The following ZCWPW2 variants were observed in gnomAD, a reference collection of about 807,000 sequenced individuals.
The protein encoded by ZCWPW2 is zinc finger CW-type PWWP domain protein 2.
Under a neutral mutation model 46.6 loss-of-function variants are expected in ZCWPW2, and 45 were observed. That is an observed-to-expected ratio of 0.96 (90% CI 0.76 to 1.24). The LOEUF (loss-of-function observed/expected upper bound fraction) is 1.24, where lower values mean the gene tolerates loss of function less well. ZCWPW2 is among the 50% of genes most tolerant of loss of function. The probability of loss-of-function intolerance (pLI) is 0.00; values close to 1 mark genes in which losing one functional copy is unlikely to be tolerated. For missense variants in ZCWPW2, 429 were observed against 403.9 expected, an observed-to-expected ratio of 1.06 and a Z score of -0.53; for synonymous variants, 152 against 137.1, an observed-to-expected ratio of 1.11 and a Z score of -0.76.
At chr3:28,517,509 T>A (rs1700606066) in intron 8 of ZCWPW2, among the ~76,000 whole-genome samples, 1 of 152,122 alleles carries the variant, frequency 6.6e-6, no homozygotes. Context: ...GAGAACTCAC[T>A]CACTATCACC....
At chr3:28,394,876 TGCACAGGCAATAGAAGCAA>T (rs1245765928) in intron 2 of ZCWPW2, among the ~76,000 whole-genome samples, 1 of 152,072 alleles carries the variant, frequency 6.6e-6, no homozygotes, top group African/African-American at 2.4e-5. Context: ...TGACACCAAG[TGCACAGGCAATAGAAGCAA>T]AAATAAAGTG....
chr3:28,431,398 AT>A lies in ZCWPW2; in HGVS notation c.333-3702del, dbSNP rs200040302. 5.0e-3 allele frequency among the ~76,000 whole-genome samples: 746 copies of A among 149,920 alleles called. 7 individuals carry two copies. Among genetic ancestry groups the A allele is most frequent in the East Asian group, 0.02 (103 of 5,106 alleles). ...TGAGATTAAAGTGTCTGCAGGATTAATTTTTTTTTTAAGACCCTCTTCTTGG... is the reference window on the plus strand; with the variant it reads ...TGAGATTAAAGTGTCTGCAGGATTAATTTTTTTTTAAGACCCTCTTCTTGG... On this transcript the variant is annotated intron_variant, in intron 3 of 9. Transcript: ENST00000383768.
intron 4 of ZCWPW2, among the ~76,000 whole-genome samples, chr3:28,476,442 A>T (rs2125802317): frequency 6.6e-6 from 1 of 152,248 alleles, no homozygotes; most frequent in South Asian, 2.1e-4. Context: ...CAAGTGTTAA[A>T]ACAAACCTTT....
chr3:28,450,416 G>A (rs1042130651), intron 4 of ZCWPW2, among the ~76,000 whole-genome samples: 1 of 152,170 alleles, frequency 6.6e-6, no homozygotes, highest in Non-Finnish European at 1.5e-5. Flanking sequence ...AGATATTGCT[G>A]ATTCAGAATT....
chr3:28,352,416 C>G (rs953733405), intron 1 of ZCWPW2, among the ~76,000 whole-genome samples: 3 of 152,078 alleles, frequency 2.0e-5, no homozygotes, highest in Admixed American at 1.3e-4. Flanking sequence ...GTGTACTGAA[C>G]TAGACATCTT....
At chr3:28,496,602 A>G (rs1699997649) in intron 6 of ZCWPW2, among the ~76,000 whole-genome samples, 1 of 152,016 alleles carries the variant, frequency 6.6e-6, no homozygotes, top group South Asian at 2.1e-4. Flanking sequence ...TTAGTAAGGT[A>G]GCTTTTATTT....
intron 4 of ZCWPW2, among the ~76,000 whole-genome samples, chr3:28,474,545 C>T (rs533130252): frequency 8.0e-5 from 12 of 150,746 alleles, no homozygotes; most frequent in African/African-American, 2.7e-4. Context: ...TTTTCTCATT[C>T]TTTCAGTTCT....
At chr3:28,421,295 A>C (rs974722484) in intron 3 of ZCWPW2, among the ~76,000 whole-genome samples, 4 of 152,058 alleles carry the variant, frequency 2.6e-5, no homozygotes, top group African/African-American at 9.7e-5. Context: ...CCATAGTGGG[A>C]GGGTCTTATT....
chr3:28,387,367 A>T (rs1417105740), intron 1 of ZCWPW2, among the ~76,000 whole-genome samples: 6 of 152,170 alleles, frequency 3.9e-5, no homozygotes. Context: ...TATATATTTT[A>T]GAAGATATGA....
At chr3:28,357,335 A>T (rs532466230) in intron 1 of ZCWPW2, among the ~76,000 whole-genome samples, 5 of 152,328 alleles carry the variant, frequency 3.3e-5, no homozygotes, top group African/African-American at 1.2e-4. Context: ...CACAAAATAC[A>T]GAAGTGAAAT....
chr3:28,420,590 T>G (rs543833538), intron 3 of ZCWPW2, among the ~76,000 whole-genome samples: 1 of 152,120 alleles, frequency 6.6e-6, no homozygotes, highest in African/African-American at 2.4e-5. Context: ...TGTTGTTTTT[T>G]TTTTCATTAC....
intron 5 of ZCWPW2, 76 bp from the exon 6 acceptor site, chr3:28,492,051 A>G (rs1451856846): frequency 7.2e-7 from 1 of 1,392,122 alleles, no homozygotes. Flanking sequence ...AGAAAATTCT[A>G]ATTGTGTAAT....
intron 3 of ZCWPW2, among the ~76,000 whole-genome samples, chr3:28,426,521 G>A (rs1298352667): frequency 6.6e-6 from 1 of 152,084 alleles, no homozygotes; most frequent in Non-Finnish European, 1.5e-5. Flanking sequence ...GCAATCAAGT[G>A]ATACTTTTTA....
chr3:28,392,125 G>A (rs2125718912), intron 2 of ZCWPW2, among the ~76,000 whole-genome samples: 1 of 152,180 alleles, frequency 6.6e-6, no homozygotes, highest in African/African-American at 2.4e-5. Context: ...CTGAAAGTGT[G>A]GAAAAAGACA....
At chr3:28,367,472 T>A (rs1242885471) in intron 1 of ZCWPW2, among the ~76,000 whole-genome samples, 1 of 152,240 alleles carries the variant, frequency 6.6e-6, no homozygotes, top group African/African-American at 2.4e-5. Context: ...AGTTTCTTAA[T>A]CCTGAGTTCT....
At chr3:28,425,438 C>A (rs1696967539) in intron 3 of ZCWPW2, among the ~76,000 whole-genome samples, 1 of 152,080 alleles carries the variant, frequency 6.6e-6, no homozygotes, top group Admixed American at 6.6e-5. Context: ...AATATTAGAT[C>A]TTAATTAAGC....
chr3:28,349,146 C>CGCGGCGGGACGGGGCGGG lies in ZCWPW2; in HGVS notation c.-188_-171dup, dbSNP rs1704418790. 2.0e-6 allele frequency: 2 copies of CGCGGCGGGACGGGGCGGG among 985,412 alleles called. No homozygotes were observed. Among genetic ancestry groups the CGCGGCGGGACGGGGCGGG allele is most frequent in the Non-Finnish European group, 2.4e-6 (2 of 830,088 alleles). The allele number at this position is 985,412 out of a possible 1,614,324, so 61.0% of individuals were successfully genotyped here. Reference sequence around the variant, plus strand: ...GCGTACTACATGTCCCGTGAGCCTCCGCGGCGGGACGGGGCGGGGCCGCGG... The same window carrying CGCGGCGGGACGGGGCGGG: ...GCGTACTACATGTCCCGTGAGCCTCCGCGGCGGGACGGGGCGGGGCGGCGGGACGGGGCGGGGCCGCGG... On this transcript the variant is annotated 5_prime_UTR_variant, in exon 1 of 10. Transcript: ENST00000383768.
In ZCWPW2 at chr3:28,524,872, A is replaced by T; in HGVS notation, c.*184A>T. 1 of 387,342 alleles carries T rather than the reference A, an allele frequency of 2.6e-6. No homozygotes were observed. 24.0% of individuals were successfully genotyped at this position (387,342 alleles called of 1,614,324 possible). A position where few individuals can be genotyped will look rare whatever the true frequency, so the allele number is the denominator to read the frequency against. On this transcript the variant is annotated 3_prime_UTR_variant, in exon 10 of 10. Coordinates refer to ENST00000383768, the MANE Select transcript of ZCWPW2 (RefSeq NM_001040432.4). ...TTTAGAGCCAGTCAAATGGTATTTA[A>T]GTTAGTGTTAAAAATTTAGAATTAA...
At chr3:28,511,861 G>T (rs1170067780) in intron 6 of ZCWPW2, among the ~76,000 whole-genome samples, 1 of 152,032 alleles carries the variant, frequency 6.6e-6, no homozygotes, top group Non-Finnish European at 1.5e-5. Context: ...ACATTCTGTA[G>T]TAGCTCTTTC....
Sources: gnomAD v4.1 joint callset for allele counts (sites outside exome capture counted in the v4.1 genomes callset) on GRCh38, gnomAD v4.1.1 for gene constraint, MANE v1.5 for transcripts, NCBI Gene and HGNC (gene_info 2026-07-23, HGNC 2026-07-21) for gene names.